DRD2: variants seen among roughly 807,000 people sequenced by gnomAD.
DRD2 encodes the protein D(2) dopamine receptor.
In DRD2, 8 loss-of-function variants were observed where a neutral mutation model predicts 38.0. The observed-to-expected ratio is 0.21, with a 90% CI of 0.12 to 0.38. DRD2 has a LOEUF of 0.38. Among genes scored for constraint, DRD2 ranks in the 10% least tolerant of loss-of-function variants. DRD2 has a pLI of 1.00. For synonymous variants in DRD2, 230 were observed against 238.6 expected (o/e 0.96, Z 0.33); for missense variants, 403 against 607.7 (o/e 0.66, Z 3.54).
chr11:113,410,452 G>A lies in DRD2; in HGVS notation c.*275C>T, dbSNP rs1950757371. 1 of 556,624 alleles carries A rather than the reference G, an allele frequency of 1.8e-6. No homozygotes were observed. Among genetic ancestry groups the A allele is most frequent in the African/African-American group, 1.9e-5 (1 of 53,026 alleles). 34.5% of individuals were successfully genotyped at this position (556,624 alleles called of 1,614,324 possible). ...TGCATCTTTGGTGCCAAGGATAGGGGGACTGGAGGTGGGAGGGGGGACTCT... is the reference window on the plus strand; with the variant it reads ...TGCATCTTTGGTGCCAAGGATAGGGAGACTGGAGGTGGGAGGGGGGACTCT... On this transcript the variant is annotated 3_prime_UTR_variant, in exon 8 of 8. Coordinates refer to ENST00000362072, the MANE Select transcript of DRD2 (RefSeq NM_000795.4).
At chr11:113,439,720 T>A (rs1591289804) in intron 1 of DRD2, among the ~76,000 whole-genome samples, 1 of 151,058 alleles carries the variant, frequency 6.6e-6, no homozygotes, top group Non-Finnish European at 1.5e-5. Context: ...GCACCTGTAA[T>A]CCCAGCTATT....
At chr11:113,434,215 G>A (rs935665885) in intron 1 of DRD2, among the ~76,000 whole-genome samples, 17 of 152,232 alleles carry the variant, frequency 1.1e-4, no homozygotes, top group African/African-American at 3.9e-4. Context: ...TTTGTTTGAT[G>A]TCTGTTCTTC....
intron 1 of DRD2, among the ~76,000 whole-genome samples, chr11:113,469,782 G>A (rs1323950468): frequency 6.6e-6 from 1 of 152,178 alleles, no homozygotes; most frequent in Non-Finnish European, 1.5e-5. Context: ...CAAGGCTGCT[G>A]TGAGCTATGA....
chr11:113,432,934 G>A (rs1951002440), intron 1 of DRD2, among the ~76,000 whole-genome samples: 1 of 152,246 alleles, frequency 6.6e-6, no homozygotes, highest in African/African-American at 2.4e-5. Context: ...CTCTGGCCGA[G>A]GAGGCAACCT....
chr11:113,437,284 C>T (rs766961265), intron 1 of DRD2, among the ~76,000 whole-genome samples: 1 of 152,150 alleles, frequency 6.6e-6, no homozygotes, highest in South Asian at 2.1e-4. Flanking sequence ...AGAACCCAGA[C>T]TCTTCCTTAC....
intron 1 of DRD2, among the ~76,000 whole-genome samples, chr11:113,441,540 T>C (rs542762680): frequency 4.6e-5 from 7 of 152,312 alleles, no homozygotes; most frequent in Admixed American, 1.3e-4. Context: ...AGAAGAATCA[T>C]AAAATCTTGG....
At chr11:113,416,578 T>C (rs1950829516) in intron 4 of DRD2, among the ~76,000 whole-genome samples, 1 of 152,224 alleles carries the variant, frequency 6.6e-6, no homozygotes, top group Non-Finnish European at 1.5e-5. Flanking sequence ...CTCTTCAACT[T>C]AATAACCAAA....
intron 1 of DRD2, among the ~76,000 whole-genome samples, chr11:113,441,685 C>G (rs1951093776): frequency 6.6e-6 from 1 of 152,100 alleles, no homozygotes; most frequent in Non-Finnish European, 1.5e-5. Flanking sequence ...TCTCCACACT[C>G]CAAGGATGGA....
chr11:113,430,126 G>C (rs1194500764), intron 1 of DRD2, among the ~76,000 whole-genome samples: 1 of 152,184 alleles, frequency 6.6e-6, no homozygotes, highest in Non-Finnish European at 1.5e-5. Context: ...TAGATGAAGG[G>C]AGATGGATTT....
At chr11:113,412,962 T>A in intron 6 of DRD2, 79 bp from the exon 7 acceptor site, 1 of 1,475,134 alleles carries the variant, frequency 6.8e-7, no homozygotes. Flanking sequence ...GGCCCCTCCC[T>A]TTCCCCCTCT....
At chr11:113,465,414 GTTTGTTTGT>G (rs1011675097) in intron 1 of DRD2, among the ~76,000 whole-genome samples, 5 of 76,948 alleles carry the variant, frequency 6.5e-5, no homozygotes, top group South Asian at 5.1e-4. Flanking sequence ...TGTTGTTGTT[GTTTGTTTGT>G]TTGTTTGTTT....
intron 1 of DRD2, among the ~76,000 whole-genome samples, chr11:113,469,764 C>T (rs1033881680): frequency 6.6e-6 from 1 of 152,124 alleles, no homozygotes; most frequent in Non-Finnish European, 1.5e-5. Context: ...CACTTGAGCC[C>T]AGGAGTTCAA....
At chr11:113,449,589 T>A (rs1951190028) in intron 1 of DRD2, among the ~76,000 whole-genome samples, 1 of 151,780 alleles carries the variant, frequency 6.6e-6, no homozygotes, top group South Asian at 2.1e-4. Context: ...AGGTGCACAG[T>A]AAAACTTCTA....
intron 1 of DRD2, among the ~76,000 whole-genome samples, chr11:113,437,767 C>G (rs1951052428): frequency 6.6e-6 from 1 of 152,114 alleles, no homozygotes; most frequent in African/African-American, 2.4e-5. Flanking sequence ...CTGGGTCCAT[C>G]TGGCAGGCCA....
intron 1 of DRD2, among the ~76,000 whole-genome samples, chr11:113,438,383 G>C (rs1389348367): frequency 6.6e-6 from 1 of 152,124 alleles, no homozygotes; most frequent in Non-Finnish European, 1.5e-5. Flanking sequence ...GCCAGTAAGT[G>C]GTAGGTGCCC....
At chr11:113,427,891 C>A (rs1950954318) in intron 1 of DRD2, among the ~76,000 whole-genome samples, 2 of 152,084 alleles carry the variant, frequency 1.3e-5, no homozygotes, top group Admixed American at 1.3e-4. Context: ...TTAGGGTGGG[C>A]CCTAACCCAA....
At chr11:113,459,591 G>A (rs1951298606) in intron 1 of DRD2, among the ~76,000 whole-genome samples, 2 of 152,186 alleles carry the variant, frequency 1.3e-5, no homozygotes, top group Admixed American at 1.3e-4. Context: ...ACTAAAAAAG[G>A]TGGATCTCCT....
intron 1 of DRD2, among the ~76,000 whole-genome samples, chr11:113,461,743 T>A (rs1951321270): frequency 6.6e-6 from 1 of 152,214 alleles, no homozygotes; most frequent in Non-Finnish European, 1.5e-5. Flanking sequence ...ATTTAATAAA[T>A]GCTTGTAGAA....
chr11:113,455,188 A>G (rs1304571929), intron 1 of DRD2, among the ~76,000 whole-genome samples: 1 of 152,000 alleles, frequency 6.6e-6, no homozygotes. Flanking sequence ...CTCTACTAAA[A>G]AAATTAAATA....
Sources: allele counts gnomAD v4.1 joint callset (sites outside exome capture counted in the v4.1 genomes callset), GRCh38; gene constraint gnomAD v4.1.1; transcripts MANE v1.5; gene names NCBI Gene and HGNC (gene_info 2026-07-23, HGNC 2026-07-21).